CNTNAP2: variants seen among roughly 807,000 people sequenced by gnomAD.
CNTNAP2 encodes the protein contactin-associated protein-like 2.
In CNTNAP2, 98 loss-of-function variants were observed where a neutral mutation model predicts 155.2. The observed-to-expected ratio is 0.63, with a 90% CI of 0.54 to 0.75. CNTNAP2 has a LOEUF of 0.75. CNTNAP2 is among the 30% of genes least tolerant of loss of function. The pLI is 0.00. For synonymous variants in CNTNAP2, 651 were observed against 631.2 expected, an observed-to-expected ratio of 1.03 and a Z score of -0.47; for missense variants, 1,727 against 1,688.1, an observed-to-expected ratio of 1.02 and a Z score of -0.40.
At chr7:146,322,021 T>A (rs1053346332) in intron 1 of CNTNAP2, among the ~76,000 whole-genome samples, 2 of 152,172 alleles carry the variant, frequency 1.3e-5, no homozygotes, top group African/African-American at 4.8e-5. Context: ...TTAGTACAGG[T>A]CATGGACCTT....
At chr7:146,683,717 G>T (rs979057902) in intron 1 of CNTNAP2, among the ~76,000 whole-genome samples, 1 of 152,160 alleles carries the variant, frequency 6.6e-6, no homozygotes, top group African/African-American at 2.4e-5. Flanking sequence ...GCCTAAGAGG[G>T]TCATGAATGA....
At chr7:146,691,466 A>C (rs938724147) in intron 1 of CNTNAP2, among the ~76,000 whole-genome samples, 35 of 152,254 alleles carry the variant, frequency 2.3e-4, no homozygotes, top group Admixed American at 1.8e-3. Context: ...CTATTATATA[A>C]TAAAGCATTG....
intron 13 of CNTNAP2, among the ~76,000 whole-genome samples, chr7:147,765,746 A>G (rs964690162): frequency 2.0e-5 from 3 of 152,242 alleles, no homozygotes; most frequent in Non-Finnish European, 4.4e-5. Flanking sequence ...CCCAAAAGAA[A>G]TGAAGACATA....
intron 15 of CNTNAP2, among the ~76,000 whole-genome samples, chr7:148,013,437 CAGA>C: frequency 6.6e-6 from 1 of 152,166 alleles, no homozygotes; most frequent in African/African-American, 2.4e-5. Flanking sequence ...CTCATTCTTC[CAGA>C]ATGGCTACCA....
intron 19 of CNTNAP2, among the ~76,000 whole-genome samples, chr7:148,223,168 C>T (rs1422940322): frequency 6.6e-6 from 1 of 152,192 alleles, no homozygotes; most frequent in African/African-American, 2.4e-5. Flanking sequence ...AATGCCCCAA[C>T]TTCCTCTCTA....
intron 1 of CNTNAP2, among the ~76,000 whole-genome samples, chr7:146,331,290 C>G: frequency 7.3e-6 from 1 of 136,920 alleles, no homozygotes; most frequent in Admixed American, 7.9e-5. Flanking sequence ...GGCGACAGAG[C>G]GAGACTCCGT....
intron 1 of CNTNAP2, among the ~76,000 whole-genome samples, chr7:146,588,148 C>T (rs1376824662): frequency 6.6e-6 from 1 of 152,008 alleles, no homozygotes; most frequent in African/African-American, 2.4e-5. Flanking sequence ...CTCCCACCTT[C>T]AGAAGTTTTC....
At chr7:146,604,958 A>C in intron 1 of CNTNAP2, among the ~76,000 whole-genome samples, 1 of 136,412 alleles carries the variant, frequency 7.3e-6, no homozygotes, top group East Asian at 2.3e-4. Flanking sequence ...TAGCATTGGG[A>C]GATATACCTA....
At chr7:147,624,206 C>G (rs1794926503) in intron 12 of CNTNAP2, among the ~76,000 whole-genome samples, 1 of 151,922 alleles carries the variant, frequency 6.6e-6, no homozygotes. Flanking sequence ...GCAAAAATTT[C>G]TTGAGTAATA....
chr7:146,822,681 G>A (rs1439611250), intron 2 of CNTNAP2, among the ~76,000 whole-genome samples: 1 of 142,554 alleles, frequency 7.0e-6, no homozygotes, highest in Non-Finnish European at 1.5e-5. Flanking sequence ...TTATTCTTAA[G>A]CATATTTATA....
At chr7:147,332,484 C>A (rs186474703) in intron 9 of CNTNAP2, among the ~76,000 whole-genome samples, 32 of 152,088 alleles carry the variant, frequency 2.1e-4, no homozygotes, top group African/African-American at 5.8e-4. Context: ...TGGAGAGGTT[C>A]AGTACTGGCA....
At chr7:146,922,340 T>G (rs1020652766) in intron 3 of CNTNAP2, among the ~76,000 whole-genome samples, 2 of 152,082 alleles carry the variant, frequency 1.3e-5, no homozygotes, top group Non-Finnish European at 2.9e-5. Context: ...TGACATTGTA[T>G]AGATTGTGTC....
chr7:146,551,348 C>T (rs1221896312), intron 1 of CNTNAP2, among the ~76,000 whole-genome samples: 1 of 151,878 alleles, frequency 6.6e-6, no homozygotes, highest in African/African-American at 2.4e-5. Context: ...TCCATGTGTT[C>T]TTATTGTTCA....
chr7:146,851,504 G>T (rs577660880), intron 3 of CNTNAP2, among the ~76,000 whole-genome samples: 2 of 152,084 alleles, frequency 1.3e-5, no homozygotes, highest in Non-Finnish European at 2.9e-5. Flanking sequence ...CTCTCTCACA[G>T]TTCTGGAGGC....
intron 1 of CNTNAP2, among the ~76,000 whole-genome samples, chr7:146,454,991 C>T (rs556711231): frequency 6.6e-6 from 1 of 152,142 alleles, no homozygotes; most frequent in Non-Finnish European, 1.5e-5. Flanking sequence ...TGTAGTTGCA[C>T]ACCTTCCTTT....
chr7:146,272,757 G>T lies in CNTNAP2; in HGVS notation c.97+155784G>T, dbSNP rs539658647. On this transcript the variant is annotated intron_variant, in intron 1 of 23. Transcript: ENST00000361727. ...AGAGGCAATAGATTGAGGAGTAAAT[G>T]GTGACAAAGGCATTGATTGTAAACA... Among the ~76,000 whole-genome samples, 308 of 152,168 alleles carry T rather than the reference G, an allele frequency of 2.0e-3. 3 individuals carry two copies. Among genetic ancestry groups the T allele is most frequent in the African/African-American group, 7.0e-3 (289 of 41,522 alleles).
chr7:147,322,263 T>C (rs533737175), intron 9 of CNTNAP2, among the ~76,000 whole-genome samples: 3 of 152,316 alleles, frequency 2.0e-5, no homozygotes, highest in African/African-American at 7.2e-5. Flanking sequence ...GGATATTGGA[T>C]AACCAAATAT....
chr7:146,577,183 A>C (rs184910218), intron 1 of CNTNAP2, among the ~76,000 whole-genome samples: 1 of 152,102 alleles, frequency 6.6e-6, no homozygotes, highest in Non-Finnish European at 1.5e-5. Flanking sequence ...CTAGTTAAAA[A>C]CAGTATTTAG....
intron 13 of CNTNAP2, among the ~76,000 whole-genome samples, chr7:147,781,255 T>C (rs569632063): frequency 4.6e-5 from 7 of 152,322 alleles, no homozygotes; most frequent in Non-Finnish European, 1.0e-4. Flanking sequence ...CTTAATAAAA[T>C]CAAGTTAGCA....
Sources: allele counts gnomAD v4.1 joint callset (sites outside exome capture counted in the v4.1 genomes callset), GRCh38; gene constraint gnomAD v4.1.1; transcripts MANE v1.5; gene names NCBI Gene and HGNC (gene_info 2026-07-23, HGNC 2026-07-21).